SLC7A2: variants seen among roughly 807,000 people sequenced by gnomAD.
The protein encoded by SLC7A2 is solute carrier family 7 member 2, also known as cationic amino acid transporter 2.
A neutral mutation model predicts 58.9 loss-of-function variants in SLC7A2; 48 were observed. The ratio of observed to expected loss-of-function variants is 0.82; its 90% CI spans 0.65 to 1.04. SLC7A2 has a LOEUF of 1.04. Ranked by LOEUF, SLC7A2 falls within the 50% of genes least tolerant of loss-of-function variation. SLC7A2 has a pLI of 0.00. For missense variants in SLC7A2, 1,029 were observed against 818.8 expected, an observed-to-expected ratio of 1.26 and a Z score of -3.13; for synonymous variants, 363 against 314.5, an observed-to-expected ratio of 1.15 and a Z score of -1.63.
chr8:17,532,909 C>G lies in SLC7A2; in HGVS notation c.-22-10409C>G, dbSNP rs2150716084. On this transcript the variant is annotated intron_variant, in intron 2 of 12. Transcript: ENST00000494857. Reference sequence around the variant, plus strand: ...ACTCATTTTTTAATCTTTTGTTACCCCAAAACAAAACTTAAACTATAACTT... The same window carrying G: ...ACTCATTTTTTAATCTTTTGTTACCGCAAAACAAAACTTAAACTATAACTT... Among the ~76,000 whole-genome samples, 3 of 151,484 alleles carry G rather than the reference C, an allele frequency of 2.0e-5. No individual in the cohort carries two copies. The East Asian group carries it at 5.8e-4, about 29-fold the overall frequency.
intron 8 of SLC7A2, among the ~76,000 whole-genome samples, chr8:17,556,232 A>G (rs1563478968): frequency 6.6e-6 from 1 of 152,144 alleles, no homozygotes; most frequent in Non-Finnish European, 1.5e-5. Context: ...AAGGTAGTTT[A>G]TAAATATTTT....
At chr8:17,532,962 G>A (rs1430445348) in intron 2 of SLC7A2, among the ~76,000 whole-genome samples, 2 of 151,976 alleles carry the variant, frequency 1.3e-5, no homozygotes, top group Non-Finnish European at 2.9e-5. Flanking sequence ...AACCTTTATA[G>A]TGGCCTTGTT....
rs544438753 is a variant in SLC7A2, at chr8:17,528,706, GT to G, written c.-22-14611del. On this transcript the variant is annotated intron_variant, in intron 2 of 12. Coordinates refer to ENST00000494857, the MANE Select transcript of SLC7A2 (RefSeq NM_001370338.1). ...GGTCTGAGCCACTGCCCCCGGCCTG[GT>G]CATTACACTTTGAATTAATATATTT... 1.4e-3 allele frequency among the ~76,000 whole-genome samples: 220 copies of G among 152,280 alleles called. 1 individual carries two copies. The highest frequency in any genetic ancestry group is 4.7e-3 in the African/African-American group (196 of 41,564).
intron 4 of SLC7A2, among the ~76,000 whole-genome samples, chr8:17,547,393 G>C (rs577019362): frequency 1.3e-5 from 2 of 152,274 alleles, no homozygotes; most frequent in African/African-American, 4.8e-5. Context: ...TCCCTCCCAT[G>C]ATACATGGGG....
chr8:17,525,496 C>T (rs1801186250), intron 2 of SLC7A2, among the ~76,000 whole-genome samples: 2 of 152,098 alleles, frequency 1.3e-5, no homozygotes. Context: ...GCAAGATGTC[C>T]TAGAAAAAGG....
chr8:17,552,270 T>A (rs1174578047), intron 7 of SLC7A2, among the ~76,000 whole-genome samples: 1 of 152,120 alleles, frequency 6.6e-6, no homozygotes, highest in Non-Finnish European at 1.5e-5. Context: ...CACACAAATA[T>A]ATCTGTGGCA....
chr8:17,548,309 T>G (rs1369319915), intron 4 of SLC7A2, among the ~76,000 whole-genome samples: 2 of 152,166 alleles, frequency 1.3e-5, no homozygotes, highest in African/African-American at 4.8e-5. Context: ...CCACTGCACT[T>G]CTGCCAGGGA....
intron 2 of SLC7A2, chr8:17,520,762 G>A (rs1034545783): frequency 2.1e-5 from 20 of 933,056 alleles, no homozygotes; most frequent in Admixed American, 6.3e-5. Flanking sequence ...GGAATAAAAG[G>A]GTATCTGTAA....
intron 8 of SLC7A2, chr8:17,555,116 A>G (rs1802631977): frequency 6.2e-7 from 1 of 1,606,184 alleles, no homozygotes; most frequent in African/African-American, 1.3e-5. Flanking sequence ...CTTGAGCATT[A>G]GACTGGAACA....
intron 2 of SLC7A2, among the ~76,000 whole-genome samples, chr8:17,514,989 A>G (rs1006836319): frequency 1.2e-4 from 18 of 152,214 alleles, no homozygotes; most frequent in African/African-American, 3.6e-4. Context: ...GAGTACATAC[A>G]TGGGTAGAGC....
At chr8:17,524,219 A>C (rs1801129611) in intron 2 of SLC7A2, among the ~76,000 whole-genome samples, 1 of 152,224 alleles carries the variant, frequency 6.6e-6, no homozygotes, top group Admixed American at 6.5e-5. Flanking sequence ...AATTAAAAGT[A>C]GAACTACCAT....
At chr8:17,536,503 G>A (rs1801672353) in intron 2 of SLC7A2, among the ~76,000 whole-genome samples, 1 of 152,172 alleles carries the variant, frequency 6.6e-6, no homozygotes, top group African/African-American at 2.4e-5. Context: ...GGCGGAGGTT[G>A]CAGTGAGCCA....
chr8:17,522,074 G>A (rs557590803), intron 2 of SLC7A2, among the ~76,000 whole-genome samples: 3 of 152,224 alleles, frequency 2.0e-5, no homozygotes, highest in South Asian at 2.1e-4. Flanking sequence ...TTGTTTTCAC[G>A]CTGCTGATAA....
Position 17,554,330 on chromosome 8 carries a change from C to T in SLC7A2, c.1056-230C>T, listed in dbSNP as rs188750386. Among the ~76,000 whole-genome samples, 26 of 152,030 alleles carry T rather than the reference C, an allele frequency of 1.7e-4. No individual in the cohort carries two copies. In the East Asian group the frequency reaches 3.7e-3, roughly 21 times the overall value. On this transcript the variant is annotated intron_variant, in intron 7 of 12. Coordinates refer to ENST00000494857, the MANE Select transcript of SLC7A2 (RefSeq NM_001370338.1). ...TGTTTTTAGTCTGATAATTTTGCTG[C>T]GTACTTATCTGTAACAGAATAATGA... is the stretch of plus-strand genomic sequence containing the variant.
chr8:17,561,962 T>G lies in SLC7A2; in HGVS notation c.1523T>G (p.Leu508Arg). 2 of 1,614,114 alleles carry G rather than the reference T, an allele frequency of 1.2e-6. No individual in the cohort carries two copies. Among genetic ancestry groups the G allele is most frequent in the Non-Finnish European group, 1.7e-6 (2 of 1,180,002 alleles). Residue 508 changes from leucine to arginine, a missense_variant, in exon 11 of 13, where the codon CTG (leucine) becomes CGG (arginine). Physicochemically the swap from Leu to Arg is moderately radical, Grantham distance 102. Coordinates refer to ENST00000494857, the MANE Select transcript of SLC7A2 (RefSeq NM_001370338.1). ...VGFLAFLVLG[L>R]SVLTTYGVHA... ...CCTGCAGCTTTCCTCGTGTTGGGCC[T>G]GAGTGTCTTGACCACTTACGGAGTT...
chr8:17,546,169 C>A (rs994652277), intron 4 of SLC7A2, among the ~76,000 whole-genome samples: 18 of 152,150 alleles, frequency 1.2e-4, no homozygotes, highest in Non-Finnish European at 2.5e-4. Flanking sequence ...ATTTAGGGAT[C>A]ATTTTAATGA....
At chr8:17,555,762 T>A (rs1442971256) in intron 8 of SLC7A2, among the ~76,000 whole-genome samples, 1 of 152,176 alleles carries the variant, frequency 6.6e-6, no homozygotes, top group East Asian at 1.9e-4. Flanking sequence ...GCTAGTCTTT[T>A]GGCACATCTT....
chr8:17,554,986 G>C (rs371914348), intron 8 of SLC7A2: 2 of 1,613,830 alleles, frequency 1.2e-6, no homozygotes. Context: ...AATTCTGTTT[G>C]CCATGGCCCG....
rs1391816719 is a variant in SLC7A2 at position 17,564,987 on chromosome 8, C to T, written c.1818C>T (p.Ser606=). ...LIYFSYGIRH[S]LEGHLRDENN... ...ACTTTTCTTATGGCATTAGACACAG[C>T]CTGGAGGGTCATCTGAGAGATGAAA... Residue 606 remains serine, a synonymous_variant, in exon 13 of 13, where the codon AGC becomes AGT. Transcript: ENST00000494857. The T allele has an allele frequency of 6.2e-7, 1 of 1,613,300 alleles. No individual in the cohort carries two copies. The highest frequency in any genetic ancestry group is 8.5e-7 in the Non-Finnish European group (1 of 1,179,692).
Sources: gnomAD v4.1 joint callset for allele counts (sites outside exome capture counted in the v4.1 genomes callset) on GRCh38, gnomAD v4.1.1 for gene constraint, MANE v1.5 for transcripts, NCBI Gene and HGNC (gene_info 2026-07-23, HGNC 2026-07-21) for gene names.